The following KIAA0825 variants were observed in gnomAD, a reference collection of about 807,000 sequenced individuals.
KIAA0825 encodes the protein KIAA0825, also known as uncharacterized protein KIAA0825.
In KIAA0825, 119 loss-of-function variants were observed where a neutral mutation model predicts 147.6. That is an observed-to-expected ratio of 0.81 (90% confidence interval 0.69 to 0.94). The LOEUF is 0.94. KIAA0825 is among the 40% of genes least tolerant of loss of function. KIAA0825 has a pLI of 0.00. For missense variants in KIAA0825, 1,381 were observed against 1,472.7 expected (o/e 0.94, Z 1.02); for synonymous variants, 470 against 518.1 (o/e 0.91, Z 1.26).
chr5:94,519,847 T>C, intron 5 of KIAA0825: 1 of 599,546 alleles, frequency 1.7e-6, no homozygotes, highest in Non-Finnish European at 2.1e-6. Context: ...TGTACATATA[T>C]ATAACTGAGT....
intron 14 of KIAA0825, among the ~76,000 whole-genome samples, chr5:94,428,883 T>C (rs1246545073): frequency 6.6e-6 from 1 of 152,164 alleles, no homozygotes; most frequent in African/African-American, 2.4e-5. Flanking sequence ...TTAATGATTT[T>C]GTTTATTTTC....
intron 20 of KIAA0825, among the ~76,000 whole-genome samples, chr5:94,295,687 G>A (rs1287386628): frequency 6.6e-6 from 1 of 152,180 alleles, no homozygotes; most frequent in Non-Finnish European, 1.5e-5. Context: ...CCCTTCTGCT[G>A]CAGGTCTGCT....
intron 20 of KIAA0825, among the ~76,000 whole-genome samples, chr5:94,212,578 C>T (rs1259952649): frequency 6.6e-6 from 1 of 152,142 alleles, no homozygotes; most frequent in African/African-American, 2.4e-5. Context: ...ATAAGCTCCA[C>T]ATTTACACGG....
Position 94,152,848 on chromosome 5 carries a change from AAAAAAAATTATATATATAT to A in KIAA0825, c.*1140_*1158del, listed in dbSNP as rs1766632432. On this transcript the variant is annotated 3_prime_UTR_variant, in exon 21 of 21. Coordinates refer to ENST00000682413, the MANE Select transcript of KIAA0825 (RefSeq NM_001145678.3). ...AAAAAAAAAAAAAAAAAAAAAAAAAAAAAAAAATTATATATATATATATATATATATATATATATATATA... is the reference window on the plus strand; with the variant it reads ...AAAAAAAAAAAAAAAAAAAAAAAAAAATATATATATATATATATATATATA... 1 of 26,178 alleles carries A rather than the reference AAAAAAAATTATATATATAT, an allele frequency of 3.8e-5. No individual in the cohort carries two copies. The highest frequency in any genetic ancestry group is 7.8e-5 in the Non-Finnish European group (1 of 12,868). 1.6% of individuals were successfully genotyped at this position (26,178 alleles called of 1,614,324 possible).
chr5:94,462,982 C>T (rs919573909), intron 11 of KIAA0825, among the ~76,000 whole-genome samples: 1 of 151,844 alleles, frequency 6.6e-6, no homozygotes, highest in African/African-American at 2.4e-5. Flanking sequence ...CAATTCTCCT[C>T]ACTCATATGT....
At chr5:94,423,562 T>C (rs1400489509) in intron 14 of KIAA0825, among the ~76,000 whole-genome samples, 1 of 152,172 alleles carries the variant, frequency 6.6e-6, no homozygotes, top group Admixed American at 6.6e-5. Flanking sequence ...CCAGCCTGCT[T>C]AATTTTTACT....
chr5:94,384,434 C>G lies in KIAA0825; in HGVS notation c.3644G>C (p.Trp1215Ser). The G allele has an allele frequency of 6.4e-7, 1 of 1,551,758 alleles. No homozygotes were observed. Among genetic ancestry groups the G allele is most frequent in the Non-Finnish European group, 8.7e-7 (1 of 1,146,878 alleles). The change falls in exon 20 of 21, where the codon TGG (tryptophan) becomes TCG (serine). Residue 1215 changes from tryptophan to serine, a missense_variant. Transcript: ENST00000682413. ...QVSITKWNWN[W>S]AKLLPNYLRL... Reference sequence around the variant, plus strand: ...CAGATAATTTGGCAGCAACTTTGCCCAATTCCAGTTCCATTTTGTGATGGC... The same window carrying G: ...CAGATAATTTGGCAGCAACTTTGCCGAATTCCAGTTCCATTTTGTGATGGC...
intron 2 of KIAA0825, among the ~76,000 whole-genome samples, chr5:94,542,138 T>C (rs146890117): frequency 1.3e-4 from 20 of 152,336 alleles, no homozygotes; most frequent in Admixed American, 2.6e-4. Flanking sequence ...CAGATGTTCT[T>C]GAATGCAGGT....
chr5:94,160,522 GTATA>G (rs746752269), intron 20 of KIAA0825, among the ~76,000 whole-genome samples: 4 of 147,692 alleles, frequency 2.7e-5, no homozygotes, highest in Non-Finnish European at 4.5e-5. Flanking sequence ...ATATGCATCA[GTATA>G]TATAATATAC....
chr5:94,499,585 T>TGGGG (rs34401680), intron 5 of KIAA0825, among the ~76,000 whole-genome samples: 1 of 69,716 alleles, frequency 1.4e-5, no homozygotes, highest in African/African-American at 3.5e-5. Flanking sequence ...TTTCCCAATC[T>TGGGG]GGGGGGGGGG....
intron 1 of KIAA0825, chr5:94,594,879 G>C (rs1256352638): frequency 1.0e-5 from 2 of 191,630 alleles, no homozygotes; most frequent in Non-Finnish European, 2.1e-5. Flanking sequence ...AAAAATAGTA[G>C]ATAAAAAAAA....
chr5:94,475,987 A>C (rs1761851024), intron 7 of KIAA0825, among the ~76,000 whole-genome samples: 1 of 152,172 alleles, frequency 6.6e-6, no homozygotes, highest in African/African-American at 2.4e-5. Context: ...CCAAGAAAAA[A>C]CAGAATCACA....
intron 20 of KIAA0825, among the ~76,000 whole-genome samples, chr5:94,174,176 C>G (rs1768884640): frequency 6.6e-6 from 1 of 152,128 alleles, no homozygotes; most frequent in Non-Finnish European, 1.5e-5. Flanking sequence ...GAGACTAGTA[C>G]TCTGTAAGTT....
intron 20 of KIAA0825, among the ~76,000 whole-genome samples, chr5:94,284,821 G>A (rs1026999189): frequency 6.6e-6 from 1 of 151,828 alleles, no homozygotes; most frequent in Non-Finnish European, 1.5e-5. Flanking sequence ...CTTTCCACCT[G>A]TGCCGTACCC....
At chr5:94,444,991 G>A (rs550445037) in intron 13 of KIAA0825, among the ~76,000 whole-genome samples, 1 of 152,216 alleles carries the variant, frequency 6.6e-6, no homozygotes, top group Non-Finnish European at 1.5e-5. Flanking sequence ...ATGGCAGAAG[G>A]TGAAGAGAAA....
intron 1 of KIAA0825, among the ~76,000 whole-genome samples, chr5:94,591,864 G>A (rs1784415793): frequency 6.6e-6 from 1 of 152,294 alleles, no homozygotes; most frequent in African/African-American, 2.4e-5. Flanking sequence ...GTAGGCAAGA[G>A]AGCTTGTGCA....
intron 20 of KIAA0825, among the ~76,000 whole-genome samples, chr5:94,273,355 T>G (rs1366581478): frequency 6.6e-6 from 1 of 152,200 alleles, no homozygotes; most frequent in Non-Finnish European, 1.5e-5. Context: ...CTGGGAACAT[T>G]TCTTAACAGT....
At chr5:94,520,049 T>C (rs1767868338) in intron 5 of KIAA0825, 199 bp downstream of exon 5, 1 of 1,138,830 alleles carries the variant, frequency 8.8e-7, no homozygotes, top group African/African-American at 1.6e-5. Flanking sequence ...TCTTTAACAA[T>C]TTAATAAGAA....
chr5:94,416,374 T>C (rs1753466077), intron 15 of KIAA0825: 2 of 152,124 alleles, frequency 1.3e-5, no homozygotes, highest in South Asian at 2.1e-4. Flanking sequence ...GTTAGATCTT[T>C]TATATGGAGC....
Sources: gnomAD v4.1 joint callset for allele counts (sites outside exome capture counted in the v4.1 genomes callset) on GRCh38, gnomAD v4.1.1 for gene constraint, MANE v1.5 for transcripts, NCBI Gene and HGNC (gene_info 2026-07-23, HGNC 2026-07-21) for gene names.